Variants in DOK6 observed in about 807,000 individuals in gnomAD.
The protein encoded by DOK6 is docking protein 6.
In DOK6, 22 loss-of-function variants were observed where a neutral mutation model predicts 44.0. That is an observed-to-expected ratio of 0.50 (90% CI 0.36 to 0.71). DOK6 has a LOEUF of 0.71. DOK6 is among the 30% of genes least tolerant of loss of function. The probability of loss-of-function intolerance (pLI) is 0.00; values close to 1 mark genes in which losing one functional copy is unlikely to be tolerated. For synonymous variants in DOK6, 166 were observed against 145.5 expected, an observed-to-expected ratio of 1.14 and a Z score of -1.01; for missense variants, 340 against 416.4, an observed-to-expected ratio of 0.82 and a Z score of 1.60.
intron 1 of DOK6, among the ~76,000 whole-genome samples, chr18:69,405,232 T>G (rs1258669115): frequency 2.0e-5 from 3 of 152,204 alleles, no homozygotes; most frequent in Non-Finnish European, 4.4e-5. Flanking sequence ...ACACTGTGAG[T>G]TTTCCTTTCC....
At chr18:69,815,181 G>A (rs7236337) in intron 7 of DOK6, among the ~76,000 whole-genome samples, 82,139 of 151,968 alleles carry the variant, frequency 0.54, 23,717 homozygotes, top group South Asian at 0.65. Context: ...AAGGAAGAAA[G>A]AAGGGAGGGA....
intron 3 of DOK6, among the ~76,000 whole-genome samples, chr18:69,629,229 G>A (rs1029490093): frequency 5.9e-5 from 9 of 152,174 alleles, no homozygotes; most frequent in Admixed American, 4.6e-4. Context: ...GGCACCCCTG[G>A]AGCAATCCAG....
intron 1 of DOK6, among the ~76,000 whole-genome samples, chr18:69,401,803 A>G (rs1035910861): frequency 1.3e-5 from 2 of 151,996 alleles, no homozygotes; most frequent in Middle Eastern, 3.2e-3. Flanking sequence ...TGCCGGCTGT[A>G]GTTTAGGGCG....
At chr18:69,671,391 G>A (rs1985795693) in intron 3 of DOK6, among the ~76,000 whole-genome samples, 1 of 152,180 alleles carries the variant, frequency 6.6e-6, no homozygotes, top group Admixed American at 6.5e-5. Context: ...ATGCATTTAG[G>A]TGGTAACACA....
chr18:69,620,910 A>C (rs1387469375), intron 3 of DOK6, among the ~76,000 whole-genome samples: 3 of 152,242 alleles, frequency 2.0e-5, no homozygotes, highest in African/African-American at 7.2e-5. Flanking sequence ...TTAAATAACA[A>C]GTGAAATATT....
chr18:69,814,577 G>A (rs1264061590), intron 7 of DOK6, among the ~76,000 whole-genome samples: 4 of 152,162 alleles, frequency 2.6e-5, no homozygotes, highest in Non-Finnish European at 4.4e-5. Flanking sequence ...ATGAAGAAAA[G>A]AGGTTTAGTT....
intron 1 of DOK6, among the ~76,000 whole-genome samples, chr18:69,478,944 G>A (rs1410064002): frequency 6.6e-6 from 1 of 152,136 alleles, no homozygotes; most frequent in African/African-American, 2.4e-5. Context: ...CCAGATTGTA[G>A]TATAGATTTC....
intron 2 of DOK6, among the ~76,000 whole-genome samples, chr18:69,584,068 A>T (rs1426520694): frequency 6.8e-6 from 1 of 146,310 alleles, no homozygotes; most frequent in Admixed American, 7.0e-5. Context: ...AGATCGCGCC[A>T]CTGCACTCCA....
rs1460205849 is a variant in DOK6, at chr18:69,534,607, A to G, written c.67-29880A>G. On this transcript the variant is annotated intron_variant, in intron 1 of 7. Transcript: ENST00000382713. The stretch of plus-strand genomic sequence containing the variant: ...GTTCTTTGTTTTTTTCCATATGAAT[A>G]GCCAGTATTCTCAGTGGTCCCTCAC... Among the ~76,000 whole-genome samples the G allele has an allele frequency of 2.6e-5, 4 of 151,864 alleles. No homozygotes were observed. The East Asian group carries it at 7.8e-4, about 30-fold the overall frequency.
At position 69,401,369 on chromosome 18, in the gene DOK6, TGG is replaced by T. The variant is rs33984456; in HGVS notation, c.66+68_66+69del. The stretch of plus-strand genomic sequence containing the variant: ...CGCTCGTTCGGCCCGGCTGGCTGCC[TGG>T]GGGGGGGGCAGGGAGAGGTGACCCG... On this transcript the variant is annotated intron_variant, in intron 1 of 7. Transcript: ENST00000382713. 1.8e-4 allele frequency: 230 copies of T among 1,251,118 alleles called. No individual in the cohort carries two copies. In the African/African-American group the frequency reaches 2.0e-3, roughly 11 times the overall value. 77.5% of individuals were successfully genotyped at this position (1,251,118 alleles called of 1,614,324 possible). A position where few individuals can be genotyped will look rare whatever the true frequency, so the allele number is the denominator to read the frequency against.
At chr18:69,715,006 T>TAC (rs773138665) in intron 5 of DOK6, among the ~76,000 whole-genome samples, 2 of 152,216 alleles carry the variant, frequency 1.3e-5, no homozygotes, top group Non-Finnish European at 2.9e-5. Context: ...AGACACTCAT[T>TAC]ACCTAGGGAA....
At chr18:69,788,371 G>A (rs1980496285) in intron 7 of DOK6, among the ~76,000 whole-genome samples, 1 of 152,076 alleles carries the variant, frequency 6.6e-6, no homozygotes, top group Non-Finnish European at 1.5e-5. Flanking sequence ...AAACACGGAG[G>A]GATGACTAAC....
chr18:69,617,802 G>A (rs1568312868), intron 3 of DOK6, among the ~76,000 whole-genome samples: 2 of 151,928 alleles, frequency 1.3e-5, no homozygotes, highest in African/African-American at 4.8e-5. Context: ...AAAAGACAGA[G>A]TGATAGGATA....
chr18:69,828,880 ATG>A (rs1392102875), intron 7 of DOK6, among the ~76,000 whole-genome samples: 4 of 93,082 alleles, frequency 4.3e-5, no homozygotes, highest in South Asian at 3.9e-4. Context: ...CAATACATTT[ATG>A]TGTATATATA....
intron 3 of DOK6, among the ~76,000 whole-genome samples, chr18:69,615,068 C>T (rs1417853894): frequency 1.3e-5 from 2 of 152,036 alleles, no homozygotes; most frequent in Non-Finnish European, 2.9e-5. Flanking sequence ...AGTAAAACAA[C>T]TAATAGATTT....
At chr18:69,619,973 C>T (rs1024640749) in intron 3 of DOK6, among the ~76,000 whole-genome samples, 2 of 151,942 alleles carry the variant, frequency 1.3e-5, no homozygotes, top group Admixed American at 6.6e-5. Context: ...TTTTTATATT[C>T]TAAAGGTTGT....
intron 3 of DOK6, among the ~76,000 whole-genome samples, chr18:69,672,381 G>A (rs1985818597): frequency 6.6e-6 from 1 of 152,162 alleles, no homozygotes; most frequent in African/African-American, 2.4e-5. Flanking sequence ...TTGTTTTGAT[G>A]GAGTTTTGCT....
intron 6 of DOK6, among the ~76,000 whole-genome samples, chr18:69,756,730 C>G (rs1430333724): frequency 6.6e-6 from 1 of 152,128 alleles, no homozygotes; most frequent in Non-Finnish European, 1.5e-5. Flanking sequence ...CATCGAGGAC[C>G]AGGCACGGGG....
intron 3 of DOK6, among the ~76,000 whole-genome samples, chr18:69,615,737 C>T (rs8095385): frequency 0.6 from 91,019 of 152,024 alleles, 27,373 homozygotes; most frequent in South Asian, 0.67. Flanking sequence ...CGTTGTCAGA[C>T]TGGCATAACA....
Sources: allele counts gnomAD v4.1 joint callset (sites outside exome capture counted in the v4.1 genomes callset), GRCh38; gene constraint gnomAD v4.1.1; transcripts MANE v1.5; gene names NCBI Gene and HGNC (gene_info 2026-07-23, HGNC 2026-07-21).